The following FAM174A variants were observed in gnomAD, a reference collection of about 807,000 sequenced individuals.
FAM174A encodes the protein family with sequence similarity 174 member A, also known as membrane protein FAM174A.
Under a neutral mutation model 14.3 loss-of-function variants are expected in FAM174A, and 14 were observed. That is an observed-to-expected ratio of 0.98 (90% confidence interval 0.65 to 1.53). The LOEUF (loss-of-function observed/expected upper bound fraction) is 1.53, where lower values mean the gene tolerates loss of function less well. FAM174A is among the 40% of genes most tolerant of loss of function. The pLI, the probability that FAM174A is intolerant of heterozygous loss-of-function variation, is 0.00. For synonymous variants in FAM174A, 108 were observed against 111.4 expected (o/e 0.97, Z 0.19); for missense variants, 241 against 249.6 (o/e 0.97, Z 0.23).
intron 1 of FAM174A, among the ~76,000 whole-genome samples, chr5:100,561,758 G>A (rs1452495554): frequency 6.6e-6 from 1 of 151,820 alleles, no homozygotes; most frequent in Non-Finnish European, 1.5e-5. Flanking sequence ...AAAAATTAAG[G>A]TTTAAAGTAC....
intron 1 of FAM174A, among the ~76,000 whole-genome samples, chr5:100,548,200 A>G (rs1292814959): frequency 2.0e-5 from 3 of 152,116 alleles, no homozygotes; most frequent in African/African-American, 4.8e-5. Flanking sequence ...TGAATCAATT[A>G]TTATGGCCAT....
intron 2 of FAM174A, among the ~76,000 whole-genome samples, chr5:100,572,861 C>A (rs1196051369): frequency 1.3e-5 from 2 of 152,118 alleles, no homozygotes; most frequent in Non-Finnish European, 2.9e-5. Flanking sequence ...AGTTTACAGT[C>A]CCACCAACAG....
intron 2 of FAM174A, among the ~76,000 whole-genome samples, chr5:100,585,734 A>G (rs1207610801): frequency 6.6e-6 from 1 of 152,068 alleles, no homozygotes; most frequent in African/African-American, 2.4e-5. Context: ...TTTCTAAACT[A>G]TGTAGTTCAT....
chr5:100,540,862 C>T (rs1194841865), intron 1 of FAM174A, among the ~76,000 whole-genome samples: 1 of 152,168 alleles, frequency 6.6e-6, no homozygotes, highest in Non-Finnish European at 1.5e-5. Context: ...GCAATGCTTG[C>T]TCATGTAATG....
chr5:100,558,478 G>A lies in FAM174A; in HGVS notation c.435-3576G>A, dbSNP rs935260257. ...TCCGCCTGGTGCAGAGCTGAGTTCA[G>A]TTCCTGGATATCCTTTTTAACTTTC... On this transcript the variant is annotated intron_variant, in intron 1 of 2. Transcript: ENST00000312637. Among the ~76,000 whole-genome samples, 125 of 152,146 alleles carry A rather than the reference G, an allele frequency of 8.2e-4. 1 individual carries two copies. Among genetic ancestry groups the A allele is most frequent in the Admixed American group, 1.8e-3 (27 of 15,256 alleles).
At chr5:100,556,054 T>C (rs1257194337) in intron 1 of FAM174A, among the ~76,000 whole-genome samples, 13 of 152,212 alleles carry the variant, frequency 8.5e-5, no homozygotes, top group Non-Finnish European at 1.6e-4. Flanking sequence ...TAGGTTTTCT[T>C]CTAGGGTTTT....
intron 2 of FAM174A, among the ~76,000 whole-genome samples, chr5:100,565,131 A>G (rs1746614934): frequency 6.6e-6 from 1 of 151,870 alleles, no homozygotes; most frequent in South Asian, 2.1e-4. Context: ...AGTTACCCAA[A>G]TTCAGCAGCA....
intron 1 of FAM174A, among the ~76,000 whole-genome samples, chr5:100,544,979 A>G (rs903865719): frequency 1.3e-5 from 2 of 152,226 alleles, no homozygotes; most frequent in Non-Finnish European, 2.9e-5. Context: ...ACCCATTGCT[A>G]CAGCAAGCGT....
At chr5:100,560,449 A>G (rs1746500128) in intron 1 of FAM174A, among the ~76,000 whole-genome samples, 1 of 152,074 alleles carries the variant, frequency 6.6e-6, no homozygotes, top group Admixed American at 6.6e-5. Flanking sequence ...TTTAAATGCT[A>G]TGCTTAACTC....
At chr5:100,567,290 A>G (rs974317022) in intron 2 of FAM174A, among the ~76,000 whole-genome samples, 1 of 148,006 alleles carries the variant, frequency 6.8e-6, no homozygotes, top group Admixed American at 6.6e-5. Flanking sequence ...TTTATCTAAC[A>G]AATGAATGAT....
chr5:100,555,825 G>A (rs552711045), intron 1 of FAM174A, among the ~76,000 whole-genome samples: 38 of 151,946 alleles, frequency 2.5e-4, no homozygotes, highest in South Asian at 6.2e-4. Flanking sequence ...TGAGTTCATT[G>A]TGGATTCTAG....
At chr5:100,583,922 C>T (rs1040828854) in intron 2 of FAM174A, among the ~76,000 whole-genome samples, 2 of 152,174 alleles carry the variant, frequency 1.3e-5, no homozygotes, top group African/African-American at 4.8e-5. Context: ...ATCCTTATGG[C>T]CCCCTTATCT....
rs1050123924 is a variant in FAM174A at position 100,555,297 on chromosome 5, A to T, written c.435-6757A>T. ...GGGTGCATAGTATTCCATGGTGTATATGTGCCACATTTTCTTAATCCAGTC... is the reference window on the plus strand; with the variant it reads ...GGGTGCATAGTATTCCATGGTGTATTTGTGCCACATTTTCTTAATCCAGTC... On this transcript the variant is annotated intron_variant, in intron 1 of 2. Coordinates refer to ENST00000312637, the MANE Select transcript of FAM174A (RefSeq NM_198507.3). Among the ~76,000 whole-genome samples the T allele has an allele frequency of 1.1e-4, 16 of 151,922 alleles. 1 individual carries two copies. Among genetic ancestry groups the T allele is most frequent in the Admixed American group, 5.9e-4 (9 of 15,252 alleles).
chr5:100,552,857 G>A (rs1746291695), intron 1 of FAM174A, among the ~76,000 whole-genome samples: 1 of 152,058 alleles, frequency 6.6e-6, no homozygotes, highest in Admixed American at 6.6e-5. Flanking sequence ...ATTTATCTGT[G>A]CATACCAGGT....
chr5:100,582,516 G>T (rs561360684), intron 2 of FAM174A, among the ~76,000 whole-genome samples: 4 of 151,128 alleles, frequency 2.6e-5, no homozygotes, highest in Non-Finnish European at 5.9e-5. Context: ...TTTTCATTAC[G>T]ATGGCTCTTA....
intron 1 of FAM174A, among the ~76,000 whole-genome samples, chr5:100,541,009 G>T (rs1275974264): frequency 6.6e-6 from 1 of 152,214 alleles, no homozygotes. Flanking sequence ...CCATTTGCTT[G>T]TATGACACCC....
chr5:100,538,139 A>G (rs560760576), intron 1 of FAM174A, among the ~76,000 whole-genome samples: 19 of 152,268 alleles, frequency 1.2e-4, no homozygotes, highest in African/African-American at 4.1e-4. Flanking sequence ...CAAAGCTTGA[A>G]TGATGCTAAC....
intron 1 of FAM174A, among the ~76,000 whole-genome samples, chr5:100,556,017 G>C (rs986771134): frequency 6.6e-6 from 1 of 152,018 alleles, no homozygotes; most frequent in Non-Finnish European, 1.5e-5. Context: ...AGTCCTTGTC[G>C]GTGCCTATGT....
At chr5:100,563,877 A>G (rs967955059) in intron 2 of FAM174A, among the ~76,000 whole-genome samples, 1 of 151,894 alleles carries the variant, frequency 6.6e-6, no homozygotes, top group Non-Finnish European at 1.5e-5. Flanking sequence ...TAAACGATAT[A>G]GTTTGAATAA....
Sources: allele counts gnomAD v4.1 joint callset (sites outside exome capture counted in the v4.1 genomes callset), GRCh38; gene constraint gnomAD v4.1.1; transcripts MANE v1.5; gene names NCBI Gene and HGNC (gene_info 2026-07-23, HGNC 2026-07-21).